SCN4A: variants seen among roughly 807,000 people sequenced by gnomAD.
SCN4A encodes sodium voltage-gated channel alpha subunit 4, also known as sodium channel protein type 4 subunit alpha.
Under a neutral mutation model 162.0 loss-of-function variants are expected in SCN4A, and 83 were observed. The observed-to-expected ratio is 0.51, with a 90% CI of 0.43 to 0.61. SCN4A has a LOEUF of 0.61. Among genes scored for constraint, SCN4A ranks in the 20% least tolerant of loss-of-function variants. SCN4A has a pLI of 0.00. For missense variants in SCN4A, 2,196 were observed against 2,462.5 expected (o/e 0.89, Z 2.29); for synonymous variants, 944 against 985.1 (o/e 0.96, Z 0.78).
chr17:63,958,843 G>A (rs920034126), intron 12 of SCN4A, among the ~76,000 whole-genome samples: 21 of 152,180 alleles, frequency 1.4e-4, no homozygotes, highest in Non-Finnish European at 1.8e-4. Context: ...GTGAGCCACC[G>A]CGTCCAGCTG....
intron 22 of SCN4A, 93 bp from the exon 23 acceptor site, chr17:63,943,189 C>CATGACAGAG (rs1018262832): frequency 1.4e-5 from 16 of 1,115,274 alleles, no homozygotes; most frequent in South Asian, 4.3e-5. Flanking sequence ...GGCACCACAG[C>CATGACAGAG]ATGACAGAGA....
intron 11 of SCN4A, among the ~76,000 whole-genome samples, chr17:63,960,880 C>T (rs1448111351): frequency 4.6e-5 from 7 of 151,984 alleles, no homozygotes; most frequent in Non-Finnish European, 1.0e-4. Context: ...TCCACACCCC[C>T]ATTTCCTCAC....
rs1300403009 is a variant in SCN4A at position 63,944,601 on chromosome 17, T to A, written c.3912+72A>T. ...AGGCAGCGTTTGTGGGTTTGTGCAATGGAGAGTGGACAAAGGAGGCAGGAG... is the reference window on the plus strand; with the variant it reads ...AGGCAGCGTTTGTGGGTTTGTGCAAAGGAGAGTGGACAAAGGAGGCAGGAG... On this transcript the variant is annotated intron_variant, in intron 21 of 23. Transcript: ENST00000435607. This position sits in a 1 kb window ranked among gnomAD's most constrained non-coding sequence, Gnocchi z 4.3. The A allele has an allele frequency of 1.3e-6, 2 of 1,512,378 alleles. No homozygotes were observed. The allele number at this position is 1,512,378 out of a possible 1,614,324, so 93.7% of individuals were successfully genotyped here.
At chr17:63,943,223 A>G in intron 22 of SCN4A, 127 bp from the exon 23 acceptor site, 1 of 1,084,672 alleles carries the variant, frequency 9.2e-7, no homozygotes, top group South Asian at 1.5e-5. Context: ...AGAGAGAGAG[A>G]GAGAGAGAGA....
intron 9 of SCN4A, among the ~76,000 whole-genome samples, 187 bp downstream of exon 9, chr17:63,964,281 G>T (rs1352918586): frequency 6.6e-6 from 1 of 152,182 alleles, no homozygotes; most frequent in Non-Finnish European, 1.5e-5. Flanking sequence ...TTTTTCTACT[G>T]CTTGGATCCC....
rs146671510 is a variant in SCN4A, at chr17:63,964,086, T to C, written c.1453-261A>G. ...ACTAACCCTCCACTTGTTGACAGAA[T>C]GAGAAACTGGTCAGCCGCTCCCTGT... On this transcript the variant is annotated intron_variant, in intron 9 of 23. Coordinates refer to ENST00000435607, the MANE Select transcript of SCN4A (RefSeq NM_000334.4). Among the ~76,000 whole-genome samples, 469 of 152,268 alleles carry C rather than the reference T, an allele frequency of 3.1e-3. 3 individuals carry two copies. Among genetic ancestry groups the C allele is most frequent in the South Asian group, 0.02 (94 of 4,818 alleles).
rs1177870833 is a variant in SCN4A, at chr17:63,945,036, T to C, written c.3745A>G (p.Ile1249Val). The change falls in exon 20 of 24, where the codon ATC becomes GTC. Residue 1249 changes from isoleucine (I) to valine (V), a missense_variant. Ile to Val is a conservative substitution (Grantham distance 29). Coordinates refer to ENST00000435607, the MANE Select transcript of SCN4A (RefSeq NM_000334.4). The surrounding 1 kb of genome is among the most constrained non-coding windows in gnomAD (Gnocchi z 4.4). ...QVATFKGWMDIMYAAVDSREK... is the reference protein window; with the variant it reads ...QVATFKGWMDVMYAAVDSREK... ...CGGGAGTCCACGGCTGCATACATGA[T>C]GTCCATCCAACCCTTGAAGGTGGCC... 1 of 1,613,908 alleles carries C rather than the reference T, an allele frequency of 6.2e-7. No individual in the cohort carries two copies. The highest frequency in any genetic ancestry group is 1.1e-5 in the South Asian group (1 of 91,074).
At position 63,951,584 on chromosome 17, in the gene SCN4A, C is replaced by T. The variant is rs760713282; in HGVS notation, c.2693G>A (p.Gly898Asp). 3.3e-5 allele frequency: 54 copies of T among 1,613,802 alleles called. No homozygotes were observed. The highest frequency in any genetic ancestry group is 1.8e-4 in the Admixed American group (11 of 59,988). ...KKDNHILNHMGLADGPPSSLE... is the reference protein window; with the variant it reads ...KKDNHILNHMDLADGPPSSLE... ...GCTGGATGGGGGGCCGTCAGCCAGG[C>T]CCATGTGGTTCAGGATGTGATTGTC... The change falls in exon 14 of 24, where the codon GGC becomes GAC. Residue 898 changes from glycine (G) to aspartate (D), a missense_variant. Coordinates refer to ENST00000435607, the MANE Select transcript of SCN4A (RefSeq NM_000334.4). The surrounding 1 kb of genome is among the most constrained non-coding windows in gnomAD (Gnocchi z 4.5).
At chr17:63,961,486 C>CG in intron 10 of SCN4A, 55 bp from the exon 11 acceptor site, 1 of 1,303,426 alleles carries the variant, frequency 7.7e-7, no homozygotes. Context: ...CACGTGCCCC[C>CG]GGCTCCAGCT....
rs1347004471 is a variant in SCN4A at position 63,972,430 on chromosome 17, A to G, written c.314T>C (p.Phe105Ser). ...CAGGTAGAGAGCAGGTGTGGCGGAGAAGCGGAAGATGGCCTTGCCCTTGTT... is the reference window on the plus strand; with the variant it reads ...CAGGTAGAGAGCAGGTGTGGCGGAGGAGCGGAAGATGGCCTTGCCCTTGTT... ...VLNKGKAIFR[F>S]SATPALYLLS... The change falls in exon 2 of 24, where the codon TTC (phenylalanine) becomes TCC (serine). Residue 105 changes from phenylalanine to serine, a missense_variant. Phe to Ser is a radical substitution (Grantham distance 155, BLOSUM62 -2). Transcript: ENST00000435607. This position sits in a 1 kb window ranked among gnomAD's most constrained non-coding sequence, Gnocchi z 4.3. 6.2e-7 allele frequency: 1 copy of G among 1,613,850 alleles called. No homozygotes were observed. The highest frequency in any genetic ancestry group is 8.5e-7 in the Non-Finnish European group (1 of 1,179,832).
At chr17:63,963,973 C>A in intron 9 of SCN4A, 148 bp from the exon 10 acceptor site, 1 of 726,932 alleles carries the variant, frequency 1.4e-6, no homozygotes, top group South Asian at 2.1e-5. Context: ...GGGGGAGGGA[C>A]CAACCTCCAT....
rs1487941051 is a variant in SCN4A, at chr17:63,959,285, C to T, written c.1999G>A (p.Val667Met). The T allele has an allele frequency of 1.2e-6, 2 of 1,613,668 alleles. No homozygotes were observed. Among genetic ancestry groups the T allele is most frequent in the Non-Finnish European group, 1.7e-6 (2 of 1,179,690 alleles). Residue 667 changes from valine (V) to methionine (M), a missense_variant, in exon 12 of 24, where the codon GTG (valine) becomes ATG (methionine). Val to Met is a conservative substitution (Grantham distance 21, BLOSUM62 1). Coordinates refer to ENST00000435607, the MANE Select transcript of SCN4A (RefSeq NM_000334.4). ...TGTACCAGACGGAAGGAGCGTAGCA[C>T]AGACAGTCCCTGTACGTTGGCCAGG... ...LGLANVQGLS[V>M]LRSFRLLRVF...
chr17:63,961,276 T>G lies in SCN4A; in HGVS notation c.1762A>C (p.Ile588Leu). The change falls in exon 11 of 24, where the codon ATC becomes CTC. Residue 588 changes from isoleucine to leucine, a missense_variant. Ile to Leu is a conservative substitution (Grantham distance 5, BLOSUM62 2). Transcript: ENST00000435607. ...PFVDLGITIC[I>L]VLNTLFMAME... ...GCCATGAAGAGGGTGTTGAGCACGA[T>G]GCAGATGGTGATGCCCAGGTCCACG... 1 of 1,611,366 alleles carries G rather than the reference T, an allele frequency of 6.2e-7. No individual in the cohort carries two copies. Among genetic ancestry groups the G allele is most frequent in the Non-Finnish European group, 8.5e-7 (1 of 1,178,902 alleles).
Position 63,945,465 on chromosome 17 carries a change from G to T in SCN4A, c.3615C>A (p.Asn1205Lys), listed in dbSNP as rs1181083611. 6.2e-7 allele frequency: 1 copy of T among 1,613,876 alleles called. No homozygotes were observed. Among genetic ancestry groups the T allele is most frequent in the Non-Finnish European group, 8.5e-7 (1 of 1,179,884 alleles). Residue 1205 changes from asparagine to lysine, a missense_variant, in exon 19 of 24, where the codon AAC becomes AAA. By Grantham distance (94) the Asn-to-Lys change is moderately conservative. Transcript: ENST00000435607. The surrounding 1 kb of genome is among the most constrained non-coding windows in gnomAD (Gnocchi z 4.4). ...GCATGAGGCTCTCGCACTCAGACTT[G>T]TTGTTGACCTCGGAGATGTCGAACC... ...SERFDISEVN[N>K]KSECESLMHT...
In SCN4A at chr17:63,951,626, T is replaced by C; in HGVS notation, c.2651A>G (p.Glu884Gly). 1 of 1,613,134 alleles carries C rather than the reference T, an allele frequency of 6.2e-7. No homozygotes were observed. Among genetic ancestry groups the C allele is most frequent in the African/African-American group, 1.3e-5 (1 of 74,996 alleles). The stretch of plus-strand genomic sequence containing the variant: ...GTGATTGTCCTTCTTCAGGTCCTCC[T>C]CGGGCGGCTCCTTCTTCTCATCCTC... ...APEDEKKEPP[E>G]EDLKKDNHIL... The change falls in exon 14 of 24, where the codon GAG (glutamate) becomes GGG (glycine). Residue 884 changes from glutamate to glycine, a missense_variant. Physicochemically the swap from Glu to Gly is moderately conservative, Grantham distance 98 (BLOSUM62 -2). Coordinates refer to ENST00000435607, the MANE Select transcript of SCN4A (RefSeq NM_000334.4). This position sits in a 1 kb window ranked among gnomAD's most constrained non-coding sequence, Gnocchi z 4.5.
intron 6 of SCN4A, among the ~76,000 whole-genome samples, chr17:63,967,418 G>T (rs971230312): frequency 9.9e-5 from 15 of 152,242 alleles, no homozygotes; most frequent in South Asian, 6.2e-4. Context: ...CTCCCAAAGT[G>T]CTGGGATTAC....
intron 4 of SCN4A, 128 bp downstream of exon 4, chr17:63,971,594 G>A (rs1909609996): frequency 4.9e-6 from 4 of 818,182 alleles, no homozygotes; most frequent in East Asian, 2.7e-5. Flanking sequence ...CTAGAATTGT[G>A]CAGCTCCCCA....
At chr17:63,946,472 C>T (rs908637507) in intron 18 of SCN4A, among the ~76,000 whole-genome samples, 12 of 128,968 alleles carry the variant, frequency 9.3e-5, no homozygotes, top group South Asian at 5.0e-4. Flanking sequence ...GCCCCCCCCC[C>T]CACCCCGCCG....
intron 10 of SCN4A, among the ~76,000 whole-genome samples, chr17:63,963,115 T>G (rs747984692): frequency 6.6e-6 from 1 of 152,188 alleles, no homozygotes; most frequent in Non-Finnish European, 1.5e-5. Flanking sequence ...CGTCCATCCA[T>G]CTGTCCATCC....
Sources: gnomAD v4.1 joint callset for allele counts (sites outside exome capture counted in the v4.1 genomes callset) on GRCh38, gnomAD v4.1.1 for gene constraint, Gnocchi (gnomAD v3.1) non-coding constraint, MANE v1.5 for transcripts, NCBI Gene and HGNC (gene_info 2026-07-23, HGNC 2026-07-21) for gene names.